CXADR: variants seen among roughly 807,000 people sequenced by gnomAD.
CXADR encodes the protein CXADR cell adhesion molecule, also known as coxsackievirus and adenovirus receptor.
Under a neutral mutation model 40.3 loss-of-function variants are expected in CXADR, and 20 were observed. That is an observed-to-expected ratio of 0.50 (90% confidence interval 0.35 to 0.72). The LOEUF (loss-of-function observed/expected upper bound fraction) is 0.72, where lower values mean the gene tolerates loss of function less well. Among genes scored for constraint, CXADR ranks in the 30% least tolerant of loss-of-function variants. CXADR has a pLI of 0.01. For synonymous variants in CXADR, 150 were observed against 161.3 expected (o/e 0.93, Z 0.53); for missense variants, 332 against 449.1 (o/e 0.74, Z 2.36).
Position 17,568,433 on chromosome 21 carries a change from C to T in CXADR, c.*2741C>T. 5.1e-6 allele frequency: 5 copies of T among 985,182 alleles called. No homozygotes were observed. The highest frequency in any genetic ancestry group is 6.0e-6 in the Non-Finnish European group (5 of 829,908). The allele number at this position is 985,182 out of a possible 1,614,324, so 61.0% of individuals were successfully genotyped here. A position where few individuals can be genotyped will look rare whatever the true frequency, so the allele number is the denominator to read the frequency against. On this transcript the variant is annotated 3_prime_UTR_variant, in exon 7 of 7. Transcript: ENST00000284878. ...GTGAACCACTGCACCCGGCCCAGTA[C>T]TGCATCTTAACAGCAAAGCCATTTT... is the stretch of plus-strand genomic sequence containing the variant.
intron 2 of CXADR, among the ~76,000 whole-genome samples, chr21:17,550,878 C>G (rs945393205): frequency 2.6e-5 from 4 of 152,176 alleles, no homozygotes; most frequent in Non-Finnish European, 4.4e-5. Context: ...GACTTGTTAA[C>G]CTGGGTACAC....
At chr21:17,517,897 T>G (rs1569068371) in intron 1 of CXADR, among the ~76,000 whole-genome samples, 1 of 152,190 alleles carries the variant, frequency 6.6e-6, no homozygotes, top group Admixed American at 6.5e-5. Flanking sequence ...TGGGTCTGAC[T>G]AGGTAAGTGA....
At chr21:17,601,902 T>G in the CXADR span, among the ~76,000 whole-genome samples, 1 of 152,232 alleles carries the variant, frequency 6.6e-6, no homozygotes, top group Non-Finnish European at 1.5e-5. Context: ...ACACCTAGTT[T>G]GGTTCTGCAT....
At chr21:17,533,576 A>C (rs192312889) in intron 1 of CXADR, among the ~76,000 whole-genome samples, 16 of 152,270 alleles carry the variant, frequency 1.1e-4, no homozygotes, top group Admixed American at 9.8e-4. Flanking sequence ...TTCATTGCAA[A>C]ACACGGATGC....
At chr21:17,630,927 C>T in the CXADR span, among the ~76,000 whole-genome samples, 2 of 152,002 alleles carry the variant, frequency 1.3e-5, no homozygotes, top group East Asian at 3.9e-4. Flanking sequence ...ATTCGAAACG[C>T]AGGGTGTCGA....
intron 2 of CXADR, 57 bp from the exon 3 acceptor site, chr21:17,551,692 A>G (rs211974): frequency 1.5e-5 from 22 of 1,498,122 alleles, no homozygotes; most frequent in African/African-American, 2.8e-5. Context: ...CCTTTAAGAG[A>G]CAGTTTTTTT....
chr21:17,572,279 ATG>A, downstream of CXADR, among the ~76,000 whole-genome samples: 1 of 145,966 alleles, frequency 6.9e-6, no homozygotes, highest in African/African-American at 2.5e-5. Context: ...GCTGAATGGG[ATG>A]ATTGCTTGAA....
chr21:17,565,810 C>T lies in CXADR; in HGVS notation c.*118C>T, dbSNP rs2061200895. 4 of 1,450,734 alleles carry T rather than the reference C, an allele frequency of 2.8e-6. No homozygotes were observed. The highest frequency in any genetic ancestry group is 1.4e-5 in the African/African-American group (1 of 69,736). 89.9% of individuals were successfully genotyped at this position (1,450,734 alleles called of 1,614,324 possible). A position where few individuals can be genotyped will look rare whatever the true frequency, so the allele number is the denominator to read the frequency against. ...AAAATACATCAAAAAATAAGTTAAT[C>T]AGGAACTGTACGGAATATATTTTTA... On this transcript the variant is annotated 3_prime_UTR_variant, in exon 7 of 7. Transcript: ENST00000284878.
the CXADR span, among the ~76,000 whole-genome samples, chr21:17,620,028 A>T: frequency 6.6e-6 from 1 of 152,170 alleles, no homozygotes; most frequent in Non-Finnish European, 1.5e-5. Context: ...AACTTTCTCC[A>T]TATCAGCAAT....
chr21:17,567,734 G>A lies in CXADR; in HGVS notation c.*2042G>A. 12 of 841,232 alleles carry A rather than the reference G, an allele frequency of 1.4e-5. No homozygotes were observed. The highest frequency in any genetic ancestry group is 1.7e-5 in the Non-Finnish European group (12 of 698,054). The allele number at this position is 841,232 out of a possible 1,614,324, so 52.1% of individuals were successfully genotyped here. ...ATTTATAAAATATTATAAAAAATAA[G>A]TAAATAAACAGAACATTAATAATAA... On this transcript the variant is annotated 3_prime_UTR_variant, in exon 7 of 7. Coordinates refer to ENST00000284878, the MANE Select transcript of CXADR (RefSeq NM_001338.5).
the CXADR span, chr21:17,605,017 C>A: frequency 6.2e-7 from 1 of 1,609,534 alleles, no homozygotes; most frequent in South Asian, 1.1e-5. Flanking sequence ...AGTGGAGTTA[C>A]GTTAATGGAT....
At chr21:17,626,269 A>T in the CXADR span, among the ~76,000 whole-genome samples, 4 of 152,184 alleles carry the variant, frequency 2.6e-5, no homozygotes, top group African/African-American at 7.2e-5. Context: ...CAGGTTTTTT[A>T]AAAAAATAAT....
intron 1 of CXADR, among the ~76,000 whole-genome samples, chr21:17,529,739 G>A (rs756602573): frequency 7.2e-5 from 11 of 152,084 alleles, no homozygotes; most frequent in Admixed American, 1.3e-4. Flanking sequence ...TTATTTTTAA[G>A]TAAAGCTTTT....
chr21:17,565,936 A>C lies in CXADR; in HGVS notation c.*244A>C, dbSNP rs1460788081. On this transcript the variant is annotated 3_prime_UTR_variant, in exon 7 of 7. Coordinates refer to ENST00000284878, the MANE Select transcript of CXADR (RefSeq NM_001338.5). ...CTGGATTTTCTTTAAGAGGTTGATT[A>C]TAAAGTTTTCTAAATTTATCAGTAC... 1 of 1,179,756 alleles carries C rather than the reference A, an allele frequency of 8.5e-7. No individual in the cohort carries two copies. The highest frequency in any genetic ancestry group is 1.0e-6 in the Non-Finnish European group (1 of 952,528). The allele number at this position is 1,179,756 out of a possible 1,614,324, so 73.1% of individuals were successfully genotyped here.
chr21:17,539,751 G>C (rs147391264), intron 1 of CXADR, among the ~76,000 whole-genome samples: 2 of 151,940 alleles, frequency 1.3e-5, no homozygotes, highest in African/African-American at 4.8e-5. Context: ...CAGTTCCCTC[G>C]TGTCTTTATT....
At chr21:17,598,943 A>C in the CXADR span, 1 of 763,326 alleles carries the variant, frequency 1.3e-6, no homozygotes, top group Non-Finnish European at 2.1e-6. Flanking sequence ...GAATCATCAC[A>C]GAACTTGACC....
At chr21:17,548,317 G>A (rs2060924011) in intron 2 of CXADR, among the ~76,000 whole-genome samples, 1 of 152,144 alleles carries the variant, frequency 6.6e-6, no homozygotes, top group Non-Finnish European at 1.5e-5. Context: ...TAATTAAGGT[G>A]CTTTCCCAAG....
chr21:17,513,844 T>C (rs2060424317), intron 1 of CXADR, among the ~76,000 whole-genome samples: 2 of 152,208 alleles, frequency 1.3e-5, no homozygotes. Flanking sequence ...GTTTCTGCAG[T>C]CCTTGGGCGA....
chr21:17,574,353 T>G (rs561783406), downstream of CXADR, among the ~76,000 whole-genome samples: 1 of 149,414 alleles, frequency 6.7e-6, no homozygotes, highest in Admixed American at 6.8e-5. Context: ...CCAGTACTTG[T>G]GTATGTGTGT....
Sources: gnomAD v4.1 joint callset for allele counts (sites outside exome capture counted in the v4.1 genomes callset) on GRCh38, gnomAD v4.1.1 for gene constraint, MANE v1.5 for transcripts, NCBI Gene and HGNC (gene_info 2026-07-23, HGNC 2026-07-21) for gene names.